TIMP2: variants seen among roughly 807,000 people sequenced by gnomAD.
TIMP2 encodes TIMP metallopeptidase inhibitor 2.
Under a neutral mutation model 24.3 loss-of-function variants are expected in TIMP2, and 5 were observed. The observed-to-expected ratio is 0.21, with a 90% CI of 0.11 to 0.43. The LOEUF is 0.43. Ranked by LOEUF, TIMP2 falls within the 20% of genes least tolerant of loss-of-function variation. The pLI, the probability that TIMP2 is intolerant of heterozygous loss-of-function variation, is 1.00. For synonymous variants in TIMP2, 130 were observed against 123.2 expected, an observed-to-expected ratio of 1.06 and a Z score of -0.37; for missense variants, 221 against 297.5, an observed-to-expected ratio of 0.74 and a Z score of 1.89.
intron 3 of TIMP2, among the ~76,000 whole-genome samples, chr17:78,869,796 T>C (rs1471340919): frequency 1.3e-5 from 2 of 151,950 alleles, no homozygotes; most frequent in Non-Finnish European, 1.5e-5. Context: ...GCCTGGGAAA[T>C]AGAGCGAGAC....
At chr17:78,863,081 T>G (rs1217186647) in intron 3 of TIMP2, among the ~76,000 whole-genome samples, 1 of 152,238 alleles carries the variant, frequency 6.6e-6, no homozygotes, top group Non-Finnish European at 1.5e-5. Flanking sequence ...GCAGTGGGAT[T>G]GCTGGGTCAA....
intron 1 of TIMP2, among the ~76,000 whole-genome samples, chr17:78,877,707 CTTTT>C (rs781320147): frequency 2.1e-5 from 3 of 142,786 alleles, no homozygotes; most frequent in South Asian, 2.3e-4. Flanking sequence ...TTCTTTCTTT[CTTTT>C]TTTTTTTTTT....
rs151319081 is a variant in TIMP2 at position 78,919,791 on chromosome 17, C to A, written c.130+5168G>T. ...CGGAGCTTGCAGTGAGCCAAGATAG[C>A]GCCACTGCACTCCAGCCTGGAGACA... On this transcript the variant is annotated intron_variant, in intron 1 of 4. Transcript: ENST00000262768. Among the ~76,000 whole-genome samples the A allele has an allele frequency of 1.2e-3, 177 of 152,154 alleles. 2 individuals carry two copies. In the East Asian group the frequency reaches 0.024, roughly 21 times the overall value.
At chr17:78,915,903 G>A (rs556173886) in intron 1 of TIMP2, among the ~76,000 whole-genome samples, 7 of 152,180 alleles carry the variant, frequency 4.6e-5, no homozygotes, top group Admixed American at 1.3e-4. Context: ...TGCCTCCGTT[G>A]GATCGTCTGT....
intron 3 of TIMP2, among the ~76,000 whole-genome samples, chr17:78,858,671 C>G (rs145211768): frequency 4.1e-4 from 62 of 152,166 alleles, no homozygotes; most frequent in African/African-American, 1.5e-3. Context: ...TAGGTGTGAA[C>G]CACTACACCC....
chr17:78,897,089 G>A (rs1049626099), intron 1 of TIMP2: 73 of 728,084 alleles, frequency 1.0e-4, no homozygotes, highest in Non-Finnish European at 1.2e-4. Context: ...AGGGCCCACA[G>A]ACAGCACCCC....
intron 1 of TIMP2, among the ~76,000 whole-genome samples, chr17:78,912,343 C>A (rs1250812802): frequency 6.6e-6 from 1 of 152,202 alleles, no homozygotes; most frequent in East Asian, 1.9e-4. Flanking sequence ...TGCCCCACTG[C>A]CAGTTTGCTT....
chr17:78,893,435 G>C (rs1329598318), intron 1 of TIMP2, among the ~76,000 whole-genome samples: 1 of 148,858 alleles, frequency 6.7e-6, no homozygotes, highest in Non-Finnish European at 1.5e-5. Flanking sequence ...GTGCAGGGGT[G>C]TGTGCGTGGG....
At chr17:78,891,000 T>G (rs1364958968) in intron 1 of TIMP2, 4 of 1,551,120 alleles carry the variant, frequency 2.6e-6, no homozygotes, top group Non-Finnish European at 3.5e-6. Flanking sequence ...TGCCTTTGCC[T>G]GGATGCCGTC....
intron 1 of TIMP2, among the ~76,000 whole-genome samples, chr17:78,878,429 G>A (rs1408628982): frequency 6.6e-6 from 1 of 152,186 alleles, no homozygotes; most frequent in Non-Finnish European, 1.5e-5. Context: ...TCAGGACCAC[G>A]AGCATCGCAT....
intron 1 of TIMP2, among the ~76,000 whole-genome samples, chr17:78,882,780 C>T (rs965994933): frequency 6.6e-6 from 1 of 152,214 alleles, no homozygotes; most frequent in Non-Finnish European, 1.5e-5. Context: ...CCCAGGGGCA[C>T]GGGGCAAGGC....
At chr17:78,918,009 T>A (rs932563318) in intron 1 of TIMP2, among the ~76,000 whole-genome samples, 2 of 151,926 alleles carry the variant, frequency 1.3e-5, no homozygotes, top group African/African-American at 4.8e-5. Flanking sequence ...CAGGCACCTT[T>A]GAGAAGTTGG....
chr17:78,855,260 C>A lies in TIMP2; in HGVS notation c.*407G>T. The A allele has an allele frequency of 4.3e-6, 1 of 230,222 alleles. No individual in the cohort carries two copies. Among genetic ancestry groups the A allele is most frequent in the Non-Finnish European group, 8.8e-6 (1 of 113,028 alleles). The allele number at this position is 230,222 out of a possible 1,614,324, so 14.3% of individuals were successfully genotyped here. A position where few individuals can be genotyped will look rare whatever the true frequency, so the allele number is the denominator to read the frequency against. ...AAAGGGACCTGGTAGGCCTGCTACA[C>A]AGTCTTGCAACGACCCTCAAAAGTT... On this transcript the variant is annotated 3_prime_UTR_variant, in exon 5 of 5. Transcript: ENST00000262768. The surrounding 1 kb of genome is among the most constrained non-coding windows in gnomAD (Gnocchi z 6.0).
At chr17:78,866,518 C>T (rs1363367887) in intron 3 of TIMP2, among the ~76,000 whole-genome samples, 2 of 137,494 alleles carry the variant, frequency 1.5e-5, no homozygotes, top group African/African-American at 5.3e-5. Flanking sequence ...TCCCCACCCC[C>T]GACCCCACCA....
chr17:78,915,692 T>C (rs1260179449), intron 1 of TIMP2, among the ~76,000 whole-genome samples: 1 of 151,790 alleles, frequency 6.6e-6, no homozygotes, highest in Non-Finnish European at 1.5e-5. Context: ...GCTAATTTTT[T>C]TATTTTTAGT....
At chr17:78,882,821 G>A (rs1357222097) in intron 1 of TIMP2, among the ~76,000 whole-genome samples, 2 of 152,240 alleles carry the variant, frequency 1.3e-5, no homozygotes, top group African/African-American at 2.4e-5. Context: ...CAAGTGTTGT[G>A]AGGTGACAGT....
At position 78,862,602 on chromosome 17, in the gene TIMP2, A is replaced by C. The variant is rs561453704; in HGVS notation, c.341-4956T>G. Among the ~76,000 whole-genome samples the C allele has an allele frequency of 7.9e-5, 12 of 152,372 alleles. No individual in the cohort carries two copies. The South Asian group carries it at 2.5e-3, about 32-fold the overall frequency. On this transcript the variant is annotated intron_variant, in intron 3 of 4. Coordinates refer to ENST00000262768, the MANE Select transcript of TIMP2 (RefSeq NM_003255.5). Reference sequence around the variant, plus strand: ...CAGGAAGTCCATGTGCAGATTTGTTACATGGGTATATTGTGTGTCCCTGAG... The same window carrying C: ...CAGGAAGTCCATGTGCAGATTTGTTCCATGGGTATATTGTGTGTCCCTGAG...
intron 3 of TIMP2, among the ~76,000 whole-genome samples, chr17:78,860,014 A>G (rs994477965): frequency 6.6e-6 from 1 of 151,928 alleles, no homozygotes; most frequent in African/African-American, 2.4e-5. Context: ...TAAAATAAAA[A>G]AAATACAAAA....
chr17:78,901,972 A>C (rs1022882014), intron 1 of TIMP2: 12 of 590,204 alleles, frequency 2.0e-5, no homozygotes, highest in Non-Finnish European at 3.4e-5. Context: ...CATCAGAAAC[A>C]TTTTTAACTC....
Sources: gnomAD v4.1 joint callset for allele counts (sites outside exome capture counted in the v4.1 genomes callset) on GRCh38, gnomAD v4.1.1 for gene constraint, Gnocchi (gnomAD v3.1) non-coding constraint, MANE v1.5 for transcripts, NCBI Gene and HGNC (gene_info 2026-07-23, HGNC 2026-07-21) for gene names.